DLGAP2: variants seen among roughly 807,000 people sequenced by gnomAD.
The protein encoded by DLGAP2 is DLG associated protein 2.
DLGAP2 carries 26 observed loss-of-function variants against 100.3 expected under a neutral mutation model. That is an observed-to-expected ratio of 0.26 (90% confidence interval 0.19 to 0.36). DLGAP2 has a LOEUF of 0.36. DLGAP2 is among the 10% of genes least tolerant of loss of function. DLGAP2 has a pLI of 1.00. For missense variants in DLGAP2, 1,858 were observed against 1,453.2 expected (o/e 1.28, Z -4.53); for synonymous variants, 886 against 630.1 (o/e 1.41, Z -6.08).
chr8:1,352,008 C>T (rs1278533574), intron 3 of DLGAP2, among the ~76,000 whole-genome samples: 2 of 62,440 alleles, frequency 3.2e-5, no homozygotes, highest in African/African-American at 9.1e-5. Context: ...GTGGAAAGGC[C>T]GTGCGGATCC....
intron 3 of DLGAP2, among the ~76,000 whole-genome samples, chr8:1,286,466 G>A (rs1228405896): frequency 6.6e-6 from 1 of 152,230 alleles, no homozygotes; most frequent in Non-Finnish European, 1.5e-5. Flanking sequence ...ACCATCTGTG[G>A]AAGAGCTTTC....
chr8:1,011,192 G>A lies in DLGAP2; in HGVS notation c.73+103226G>A, dbSNP rs575133618. Among the ~76,000 whole-genome samples, 13 of 150,454 alleles carry A rather than the reference G, an allele frequency of 8.6e-5. No homozygotes were observed. The East Asian group carries it at 2.5e-3, about 29-fold the overall frequency. Reference sequence around the variant, plus strand: ...TAGTCTACACAGTGAGCCCTGGAATGAGGGGTCTCAGTCTGCACAGTGAGC... The same window carrying A: ...TAGTCTACACAGTGAGCCCTGGAATAAGGGGTCTCAGTCTGCACAGTGAGC... On this transcript the variant is annotated intron_variant, in intron 2 of 14. Transcript: ENST00000637795.
chr8:1,564,269 G>A (rs1218154237), intron 5 of DLGAP2, among the ~76,000 whole-genome samples: 1 of 152,130 alleles, frequency 6.6e-6, no homozygotes, highest in Non-Finnish European at 1.5e-5. Context: ...CTCCCGCAAT[G>A]GAAACCATTG....
At chr8:1,675,336 C>T (rs1031633692) in intron 10 of DLGAP2, among the ~76,000 whole-genome samples, 2 of 152,140 alleles carry the variant, frequency 1.3e-5, no homozygotes, top group South Asian at 2.1e-4. Flanking sequence ...GAGCAAGTCA[C>T]CCCCCTCCTC....
chr8:1,521,968 T>C (rs576834956), intron 4 of DLGAP2, among the ~76,000 whole-genome samples: 13 of 148,114 alleles, frequency 8.8e-5, no homozygotes, highest in Non-Finnish European at 1.5e-4. Context: ...GCAGCTGATA[T>C]GGGGCGTCTC....
chr8:1,085,039 T>G (rs1803929596), intron 2 of DLGAP2, among the ~76,000 whole-genome samples: 1 of 152,234 alleles, frequency 6.6e-6, no homozygotes, highest in Admixed American at 6.5e-5. Flanking sequence ...ATCTTTTGTC[T>G]TTTGGATAAT....
intron 13 of DLGAP2, among the ~76,000 whole-genome samples, chr8:1,693,033 AC>A (rs1799293265): frequency 6.7e-6 from 1 of 148,182 alleles, no homozygotes; most frequent in Non-Finnish European, 1.5e-5. Flanking sequence ...TTATATATAC[AC>A]CTATATATAA....
At chr8:781,508 C>T (rs765465669) in intron 1 of DLGAP2, among the ~76,000 whole-genome samples, 1 of 152,048 alleles carries the variant, frequency 6.6e-6, no homozygotes. Context: ...CTGTGATTAA[C>T]TGCTGTAATT....
At chr8:800,181 G>C (rs368849170) in intron 1 of DLGAP2, among the ~76,000 whole-genome samples, 19 of 152,216 alleles carry the variant, frequency 1.2e-4, no homozygotes, top group African/African-American at 3.6e-4. Context: ...TGCCCGAGGT[G>C]TGGGTCCTGC....
intron 1 of DLGAP2, among the ~76,000 whole-genome samples, chr8:806,952 T>C (rs1796282380): frequency 6.6e-6 from 1 of 152,148 alleles, no homozygotes; most frequent in African/African-American, 2.4e-5. Flanking sequence ...TCGTGGACAG[T>C]GTGGTTTTCC....
chr8:746,647 G>A (rs1396398283), intron 1 of DLGAP2, among the ~76,000 whole-genome samples: 1 of 152,280 alleles, frequency 6.6e-6, no homozygotes, highest in Non-Finnish European at 1.5e-5. Flanking sequence ...ACTGGCAGGT[G>A]CTGAGGTGGA....
Position 1,359,685 on chromosome 8 carries a change from C to A in DLGAP2, c.106+100802C>A, listed in dbSNP as rs564575703. ...AGATAGCCATCCCCTCCCAATCCCACGGTAGACGCTGGCCTCAGCTCTTAT... is the reference window on the plus strand; with the variant it reads ...AGATAGCCATCCCCTCCCAATCCCAAGGTAGACGCTGGCCTCAGCTCTTAT... On this transcript the variant is annotated intron_variant, in intron 3 of 14. Transcript: ENST00000637795. Among the ~76,000 whole-genome samples, 94 of 152,358 alleles carry A rather than the reference C, an allele frequency of 6.2e-4. 1 individual carries two copies. The highest frequency in any genetic ancestry group is 4.8e-3 in the East Asian group (25 of 5,172).
chr8:1,593,190 C>T (rs1317374542), intron 6 of DLGAP2, among the ~76,000 whole-genome samples: 4 of 152,148 alleles, frequency 2.6e-5, no homozygotes, highest in African/African-American at 7.2e-5. Context: ...CGTGGTGGCT[C>T]ACTCCTGTAA....
intron 2 of DLGAP2, among the ~76,000 whole-genome samples, chr8:1,255,945 G>A (rs1799197027): frequency 7.7e-6 from 1 of 130,656 alleles, no homozygotes; most frequent in Admixed American, 7.6e-5. Flanking sequence ...TCTCCTGCCT[G>A]GGTGCTGTGT....
intron 8 of DLGAP2, among the ~76,000 whole-genome samples, chr8:1,639,670 C>G (rs1429571064): frequency 6.6e-6 from 1 of 152,218 alleles, no homozygotes; most frequent in Non-Finnish European, 1.5e-5. Flanking sequence ...GTCTCACAGT[C>G]ACAGAGGTTA....
chr8:845,871 G>A (rs1255394590), intron 1 of DLGAP2, among the ~76,000 whole-genome samples: 1 of 152,152 alleles, frequency 6.6e-6, no homozygotes, highest in Non-Finnish European at 1.5e-5. Context: ...TCTTTCTTTG[G>A]CATTTGGCTG....
At chr8:1,311,104 C>T (rs973003260) in intron 3 of DLGAP2, among the ~76,000 whole-genome samples, 8 of 151,436 alleles carry the variant, frequency 5.3e-5, no homozygotes, top group African/African-American at 1.9e-4. Flanking sequence ...GGGGACATTA[C>T]TACAGACCAC....
chr8:1,229,027 T>A (rs957238095), intron 2 of DLGAP2, among the ~76,000 whole-genome samples: 5 of 152,180 alleles, frequency 3.3e-5, no homozygotes, highest in African/African-American at 9.7e-5. Flanking sequence ...AGAAAATATT[T>A]AGAAATTTCC....
Position 1,203,722 on chromosome 8 carries a change from C to G in DLGAP2, c.74-55129C>G, listed in dbSNP as rs945749388. ...CTCGCTCTATACCCAACCACACACA[C>G]AAATGATTTCTCCACTCTCACTTTA... On this transcript the variant is annotated intron_variant, in intron 2 of 14. Coordinates refer to ENST00000637795, the MANE Select transcript of DLGAP2 (RefSeq NM_001346810.2). 4.6e-5 allele frequency among the ~76,000 whole-genome samples: 7 copies of G among 152,314 alleles called. No individual in the cohort carries two copies. In the South Asian group the frequency reaches 8.3e-4, roughly 18 times the overall value.
Sources: allele counts gnomAD v4.1 joint callset (sites outside exome capture counted in the v4.1 genomes callset), GRCh38; gene constraint gnomAD v4.1.1; transcripts MANE v1.5; gene names NCBI Gene and HGNC (gene_info 2026-07-23, HGNC 2026-07-21).